Variants in HACE1 observed in about 807,000 individuals in gnomAD.
HACE1 encodes the protein HECT domain and ankyrin repeat containing E3 ubiquitin protein ligase 1, also known as E3 ubiquitin-protein ligase HACE1.
Under a neutral mutation model 118.4 loss-of-function variants are expected in HACE1, and 73 were observed. The ratio of observed to expected loss-of-function variants is 0.62; its 90% CI spans 0.51 to 0.75. The LOEUF is 0.75. Among genes scored for constraint, HACE1 ranks in the 30% least tolerant of loss-of-function variants. The probability of loss-of-function intolerance (pLI) is 0.00; values close to 1 mark genes in which losing one functional copy is unlikely to be tolerated. For missense variants in HACE1, 749 were observed against 1,102.2 expected, an observed-to-expected ratio of 0.68 and a Z score of 4.54; for synonymous variants, 368 against 374.8, an observed-to-expected ratio of 0.98 and a Z score of 0.21.
chr6:104,773,375 T>A (rs1780848148), intron 17 of HACE1, among the ~76,000 whole-genome samples: 1 of 152,194 alleles, frequency 6.6e-6, no homozygotes, highest in African/African-American at 2.4e-5. Context: ...TGACACCAGG[T>A]TAACCTGCTG....
Position 104,791,410 on chromosome 6 carries a change from C to T in HACE1, c.1074+94G>A, listed in dbSNP as rs568919331. Reference sequence around the variant, plus strand: ...ATATGGGTATAAACCAAACTTACAACCTGTTCATGAGCTTTCTGATTAATG... The same window carrying T: ...ATATGGGTATAAACCAAACTTACAATCTGTTCATGAGCTTTCTGATTAATG... On this transcript the variant is annotated intron_variant, in intron 11 of 23. Coordinates refer to ENST00000262903, the MANE Select transcript of HACE1 (RefSeq NM_020771.4). The T allele has an allele frequency of 2.6e-6, 3 of 1,142,460 alleles. No individual in the cohort carries two copies. In the African/African-American group the frequency reaches 4.6e-5, roughly 17 times the overall value. 70.8% of individuals were successfully genotyped at this position (1,142,460 alleles called of 1,614,324 possible).
intron 5 of HACE1, among the ~76,000 whole-genome samples, chr6:104,842,515 CCT>C (rs1363703334): frequency 1.3e-5 from 2 of 151,912 alleles, no homozygotes; most frequent in African/African-American, 4.8e-5. Context: ...GTGCTCATTC[CCT>C]CTGTTACCTT....
At chr6:104,835,537 A>C (rs1050687765) in intron 5 of HACE1, among the ~76,000 whole-genome samples, 3 of 118,476 alleles carry the variant, frequency 2.5e-5, no homozygotes, top group Non-Finnish European at 6.2e-5. Flanking sequence ...CCCTAAAAGT[A>C]CAAAGAAAAG....
chr6:104,736,815 T>A (rs1775892594), intron 22 of HACE1, among the ~76,000 whole-genome samples: 1 of 152,124 alleles, frequency 6.6e-6, no homozygotes, highest in Non-Finnish European at 1.5e-5. Context: ...TGAGTCCAAC[T>A]ATTTTTCTAA....
In HACE1 at chr6:104,774,255, A is replaced by G. The variant is rs868361038; in HGVS notation, c.1865-2181T>C. Among the ~76,000 whole-genome samples the G allele has an allele frequency of 8.0e-4, 104 of 129,338 alleles. 13 individuals carry two copies. The Middle Eastern group carries it at 0.011, about 14-fold the overall frequency. The allele number at this position is 129,338 out of a possible 152,430, so 84.9% of individuals were successfully genotyped here. A position where few individuals can be genotyped will look rare whatever the true frequency, so the allele number is the denominator to read the frequency against. ...CAGGCGCCCGCCACTACGCCCGGCTAATTTTTTTGTATTTTTAGTAGAGAC... is the reference window on the plus strand; with the variant it reads ...CAGGCGCCCGCCACTACGCCCGGCTGATTTTTTTGTATTTTTAGTAGAGAC... On this transcript the variant is annotated intron_variant, in intron 17 of 23. Coordinates refer to ENST00000262903, the MANE Select transcript of HACE1 (RefSeq NM_020771.4).
chr6:104,829,031 A>G (rs986201157), intron 6 of HACE1, among the ~76,000 whole-genome samples: 12 of 152,122 alleles, frequency 7.9e-5, no homozygotes, highest in African/African-American at 2.6e-4. Flanking sequence ...TTTATTTCTT[A>G]ATGGAATTTT....
At chr6:104,856,571 A>G (rs1271324301) in intron 1 of HACE1, among the ~76,000 whole-genome samples, 1 of 151,966 alleles carries the variant, frequency 6.6e-6, no homozygotes, top group African/African-American at 2.4e-5. Context: ...AGTAGCTGGG[A>G]TTACAGGCAC....
intron 20 of HACE1, among the ~76,000 whole-genome samples, chr6:104,747,566 T>A (rs1777564243): frequency 6.6e-6 from 1 of 151,730 alleles, no homozygotes; most frequent in Admixed American, 6.6e-5. Flanking sequence ...TAAAGCCAAG[T>A]CCCTCTGATT....
rs972832618 is a variant in HACE1, at chr6:104,772,078, T to C, written c.1865-4A>G. ...CTATTAGGCTGAAAAGTTGTTCCTA[T>C]TGAAATAAATACAAAATAATATATT... is the stretch of plus-strand genomic sequence containing the variant. On this transcript the variant is annotated splice_polypyrimidine_tract_variant and splice_region_variant and intron_variant, in intron 17 of 23. Coordinates refer to ENST00000262903, the MANE Select transcript of HACE1 (RefSeq NM_020771.4). 7 of 1,476,100 alleles carry C rather than the reference T, an allele frequency of 4.7e-6. No individual in the cohort carries two copies. Among genetic ancestry groups the C allele is most frequent in the East Asian group, 2.3e-5 (1 of 43,966 alleles). 91.4% of individuals were successfully genotyped at this position (1,476,100 alleles called of 1,614,324 possible). A position where few individuals can be genotyped will look rare whatever the true frequency, so the allele number is the denominator to read the frequency against.
chr6:104,789,856 C>T (rs1358626320), intron 11 of HACE1, among the ~76,000 whole-genome samples: 4 of 152,144 alleles, frequency 2.6e-5, no homozygotes, highest in African/African-American at 9.6e-5. Flanking sequence ...CGCCAGAACA[C>T]ATTAAAAACA....
chr6:104,843,217 A>G lies in HACE1; in HGVS notation c.402+6T>C. ...TAAAACATCAGATGAAATTGATAGCACTTACTGCTGTAAGGCCTTCATTAT... is the reference window on the plus strand; with the variant it reads ...TAAAACATCAGATGAAATTGATAGCGCTTACTGCTGTAAGGCCTTCATTAT... On this transcript the variant is annotated splice_donor_region_variant and intron_variant, in intron 5 of 23. Coordinates refer to ENST00000262903, the MANE Select transcript of HACE1 (RefSeq NM_020771.4). 2 of 1,326,256 alleles carry G rather than the reference A, an allele frequency of 1.5e-6. No individual in the cohort carries two copies. The highest frequency in any genetic ancestry group is 2.2e-6 in the Non-Finnish European group (2 of 917,534). The allele number at this position is 1,326,256 out of a possible 1,614,324, so 82.2% of individuals were successfully genotyped here.
intron 4 of HACE1, among the ~76,000 whole-genome samples, chr6:104,844,553 C>A (rs1347727674): frequency 1.3e-5 from 2 of 151,666 alleles, no homozygotes; most frequent in Non-Finnish European, 2.9e-5. Flanking sequence ...CCATGTTGGA[C>A]AGGCTGGTCT....
At chr6:104,853,624 C>T (rs1038582769) in intron 1 of HACE1, among the ~76,000 whole-genome samples, 2 of 152,082 alleles carry the variant, frequency 1.3e-5, no homozygotes, top group Non-Finnish European at 2.9e-5. Flanking sequence ...TCAAGTACCT[C>T]TCAAAAATAC....
intron 19 of HACE1, among the ~76,000 whole-genome samples, chr6:104,756,753 G>A (rs960316432): frequency 1.3e-4 from 20 of 152,302 alleles, no homozygotes; most frequent in South Asian, 6.2e-4. Context: ...CGTTTCACCC[G>A]GGAAGCGCAA....
chr6:104,818,678 T>C (rs576551590), intron 6 of HACE1, among the ~76,000 whole-genome samples: 7 of 152,146 alleles, frequency 4.6e-5, no homozygotes, highest in African/African-American at 1.7e-4. Flanking sequence ...AAAAAGCTCA[T>C]ACACCATAAT....
intron 17 of HACE1, among the ~76,000 whole-genome samples, chr6:104,776,378 A>C (rs755594445): frequency 3.3e-5 from 5 of 152,252 alleles, no homozygotes; most frequent in Non-Finnish European, 5.9e-5. Context: ...TTTATGAAAT[A>C]AAACATTTAA....
At chr6:104,735,034 A>T (rs1775661105) in intron 22 of HACE1, among the ~76,000 whole-genome samples, 2 of 152,058 alleles carry the variant, frequency 1.3e-5, no homozygotes, top group South Asian at 4.1e-4. Context: ...ACATTAAAAA[A>T]TTTATATAAA....
intron 1 of HACE1, among the ~76,000 whole-genome samples, chr6:104,856,717 G>C (rs919146270): frequency 3.3e-5 from 5 of 152,162 alleles, no homozygotes; most frequent in African/African-American, 1.2e-4. Context: ...TTACAGGTGT[G>C]AGCCACTGCG....
chr6:104,729,880 A>C (rs1024401780), intron 23 of HACE1, 116 bp from the exon 24 acceptor site: 1 of 692,272 alleles, frequency 1.4e-6, no homozygotes, highest in African/African-American at 1.8e-5. Flanking sequence ...CCAAATTTGC[A>C]TTCAGATTGA....
Sources: allele counts gnomAD v4.1 joint callset (sites outside exome capture counted in the v4.1 genomes callset), GRCh38; gene constraint gnomAD v4.1.1; transcripts MANE v1.5; gene names NCBI Gene and HGNC (gene_info 2026-07-23, HGNC 2026-07-21).